Variants in IL2RA observed in about 807,000 individuals in gnomAD.
The protein encoded by IL2RA is interleukin 2 receptor subunit alpha.
In IL2RA, 24 loss-of-function variants were observed where a neutral mutation model predicts 37.8. That is an observed-to-expected ratio of 0.63 (90% CI 0.46 to 0.89). The LOEUF is 0.89. Among genes scored for constraint, IL2RA ranks in the 40% least tolerant of loss-of-function variants. The pLI, the probability that IL2RA is intolerant of heterozygous loss-of-function variation, is 0.00. For synonymous variants in IL2RA, 125 were observed against 114.6 expected (o/e 1.09, Z -0.58); for missense variants, 319 against 348.6 (o/e 0.92, Z 0.68).
chr10:6,051,477 A>G (rs529901419), intron 1 of IL2RA, among the ~76,000 whole-genome samples: 2 of 149,220 alleles, frequency 1.3e-5, no homozygotes, highest in Non-Finnish European at 3.0e-5. Flanking sequence ...TCATTTCATG[A>G]GGAGAAAATA....
At chr10:6,059,994 G>A (rs780625372) in intron 1 of IL2RA, among the ~76,000 whole-genome samples, 3 of 152,242 alleles carry the variant, frequency 2.0e-5, no homozygotes, top group Non-Finnish European at 2.9e-5. Flanking sequence ...TGAGAATGGC[G>A]TGAAGGAGTC....
chr10:6,038,672 G>A (rs984483054), intron 1 of IL2RA, among the ~76,000 whole-genome samples: 4 of 152,136 alleles, frequency 2.6e-5, no homozygotes, highest in Admixed American at 6.5e-5. Flanking sequence ...ACATAAATGC[G>A]CACAAAGAAG....
In IL2RA at chr10:6,021,607, A is replaced by G. The variant is rs996425446; in HGVS notation, c.454T>C (p.Cys152Arg). The G allele has an allele frequency of 1.2e-6, 2 of 1,614,008 alleles. No homozygotes were observed. The highest frequency in any genetic ancestry group is 1.7e-6 in the Non-Finnish European group (2 of 1,180,028). The change falls in exon 4 of 8, where the codon TGC becomes CGC. Residue 152 changes from cysteine to arginine, a missense_variant. Coordinates refer to ENST00000379959, the MANE Select transcript of IL2RA (RefSeq NM_000417.3). This position sits in a 1 kb window ranked among gnomAD's most constrained non-coding sequence, Gnocchi z 4.9. ...FVVGQMVYYQ[C>R]VQGYRALHRG... is the part of the protein sequence containing the mutation. ...TGTAGAGCCCTGTATCCCTGGACGC[A>G]CTGATAATAAACCATCTGCCCCACC... is the stretch of plus-strand genomic sequence containing the variant.
At chr10:6,051,048 C>T (rs547060533) in intron 1 of IL2RA, among the ~76,000 whole-genome samples, 1 of 145,072 alleles carries the variant, frequency 6.9e-6, no homozygotes, top group Admixed American at 7.0e-5. Flanking sequence ...TCTGAAACAC[C>T]CCTCCAACTT....
chr10:6,062,126 C>G lies in IL2RA; in HGVS notation c.26G>C (p.Gly9Ala). MDSYLLMWGLLTFIMVPGC... is the reference protein window; with the variant it reads MDSYLLMWALLTFIMVPGC... ...AGGCACCATGATGAACGTGAGCAGT[C>G]CCCACATCAGCAGGTATGAATCCAT... is the stretch of plus-strand genomic sequence containing the variant. The change falls in exon 1 of 8, where the codon GGA becomes GCA. Residue 9 changes from glycine to alanine, a missense_variant. Physicochemically the swap from Gly to Ala is moderately conservative, Grantham distance 60. Transcript: ENST00000379959. The G allele has an allele frequency of 6.2e-7, 1 of 1,614,026 alleles. No individual in the cohort carries two copies. The highest frequency in any genetic ancestry group is 1.3e-5 in the African/African-American group (1 of 75,062).
Position 6,047,504 on chromosome 10 carries a change from AAC to A in IL2RA, c.64+14582_64+14583del, listed in dbSNP as rs1355258345. 6.6e-6 allele frequency among the ~76,000 whole-genome samples: 1 copy of A among 152,314 alleles called. No homozygotes were observed. The highest frequency in any genetic ancestry group is 2.4e-5 in the African/African-American group (1 of 41,576). ...ACAGCAATCACGTCAGCTGAGACGC[AAC>A]ACACTGCATGCCGAACACACAGGAG... On this transcript the variant is annotated intron_variant, in intron 1 of 7. Coordinates refer to ENST00000379959, the MANE Select transcript of IL2RA (RefSeq NM_000417.3). This position sits in a 1 kb window ranked among gnomAD's most constrained non-coding sequence, Gnocchi z 5.0.
chr10:6,017,893 T>C (rs537801321), intron 7 of IL2RA, among the ~76,000 whole-genome samples, 160 bp downstream of exon 7: 59 of 152,270 alleles, frequency 3.9e-4, no homozygotes, highest in Non-Finnish European at 6.6e-4. Flanking sequence ...TTAATTCTTT[T>C]TAACTGACTC....
At chr10:6,045,118 C>A (rs1201735792) in intron 1 of IL2RA, among the ~76,000 whole-genome samples, 5 of 152,166 alleles carry the variant, frequency 3.3e-5, no homozygotes. Flanking sequence ...AGGAGGAGAT[C>A]TCCGAGCACT....
chr10:6,040,848 C>A (rs143969222), intron 1 of IL2RA, among the ~76,000 whole-genome samples: 116 of 152,224 alleles, frequency 7.6e-4, no homozygotes, highest in African/African-American at 2.7e-3. Context: ...ACTTAGAAAA[C>A]CCAAGACGGT....
rs897874631 is a variant in IL2RA, at chr10:6,057,838, A to G, written c.64+4250T>C. On this transcript the variant is annotated intron_variant, in intron 1 of 7. Transcript: ENST00000379959. The surrounding 1 kb of genome is among the most constrained non-coding windows in gnomAD (Gnocchi z 4.8). The stretch of plus-strand genomic sequence containing the variant: ...AGAATGACTCCAACAAAAAAGTCAC[A>G]AAGAGGACTGGGTGCGGTGGCTCAT... 5.9e-5 allele frequency among the ~76,000 whole-genome samples: 9 copies of G among 152,182 alleles called. No individual in the cohort carries two copies. Among genetic ancestry groups the G allele is most frequent in the Non-Finnish European group, 1.2e-4 (8 of 68,032 alleles).
chr10:6,031,500 A>ATATG (rs1564546028), intron 1 of IL2RA, among the ~76,000 whole-genome samples: 2 of 71,520 alleles, frequency 2.8e-5, no homozygotes, highest in Non-Finnish European at 5.5e-5. Context: ...ATATGTATAT[A>ATATG]TATATATATA....
intron 1 of IL2RA, among the ~76,000 whole-genome samples, chr10:6,030,676 A>G (rs536379893): frequency 6.6e-6 from 1 of 152,332 alleles, no homozygotes; most frequent in South Asian, 2.1e-4. Context: ...AGCTAGAAAC[A>G]TAAATCGACA....
chr10:6,037,992 T>C (rs936460444), intron 1 of IL2RA, among the ~76,000 whole-genome samples: 1 of 152,110 alleles, frequency 6.6e-6, no homozygotes, highest in Non-Finnish European at 1.5e-5. Context: ...AGAAAGTAAG[T>C]GGTTTGGGTG....
Position 6,062,041 on chromosome 10 carries a change from T to C in IL2RA, c.64+47A>G, listed in dbSNP as rs537468520. The C allele has an allele frequency of 5.5e-6, 8 of 1,457,128 alleles. No homozygotes were observed. In the East Asian group the frequency reaches 1.6e-4, roughly 29 times the overall value. The allele number at this position is 1,457,128 out of a possible 1,614,324, so 90.3% of individuals were successfully genotyped here. On this transcript the variant is annotated intron_variant, in intron 1 of 7. Transcript: ENST00000379959. ...CTGGTTCTGTGGCTGGGAAGAGGGA[T>C]GCCCATCAGCCTTCCCGGAATTCCG... is the stretch of plus-strand genomic sequence containing the variant.
Position 6,019,818 on chromosome 10 carries a change from T to C in IL2RA, c.655+52A>G, listed in dbSNP as rs10752175. On this transcript the variant is annotated intron_variant, in intron 5 of 7. Transcript: ENST00000379959. Reference sequence around the variant, plus strand: ...TCCCTGAGCCTGGCTCCTGGTCACCTCTGCCCTTTTGGACTAGGCCTCTGT... The same window carrying C: ...TCCCTGAGCCTGGCTCCTGGTCACCCCTGCCCTTTTGGACTAGGCCTCTGT... The C allele has an allele frequency of 0.9, 1,374,151 of 1,533,098 alleles. 619,163 individuals are homozygous for C. Among genetic ancestry groups the C allele is most frequent in the Non-Finnish European group, 0.92 (1,023,082 of 1,106,244 alleles). 95.0% of individuals were successfully genotyped at this position (1,533,098 alleles called of 1,614,324 possible).
At position 6,020,928 on chromosome 10, in the gene IL2RA, AGTAT is replaced by A. The variant is rs1389852834; in HGVS notation, c.583+546_583+549del. 2.5e-5 allele frequency among the ~76,000 whole-genome samples: 3 copies of A among 117,734 alleles called. No individual in the cohort carries two copies. Among genetic ancestry groups the A allele is most frequent in the Non-Finnish European group, 3.8e-5 (2 of 53,304 alleles). 77.2% of individuals were successfully genotyped at this position (117,734 alleles called of 152,430 possible). On this transcript the variant is annotated intron_variant, in intron 4 of 7. Transcript: ENST00000379959. The surrounding 1 kb of genome is among the most constrained non-coding windows in gnomAD (Gnocchi z 5.6). ...CATCGGTGGGCTGAGCATTTGCATG[AGTAT>A]GTGTGTGTGTGTGTGTGTGTGCGCG...
chr10:6,052,743 T>C (rs1264550097), intron 1 of IL2RA, among the ~76,000 whole-genome samples: 1 of 152,136 alleles, frequency 6.6e-6, no homozygotes, highest in African/African-American at 2.4e-5. Context: ...TCTATTTTGG[T>C]CCCAAACAGA....
At chr10:6,037,807 C>T (rs565159828) in intron 1 of IL2RA, among the ~76,000 whole-genome samples, 3 of 152,232 alleles carry the variant, frequency 2.0e-5, no homozygotes, top group African/African-American at 7.2e-5. Flanking sequence ...ACCTTAAGCT[C>T]GTTGACTCCC....
Position 6,056,047 on chromosome 10 carries a change from C to T in IL2RA, c.64+6041G>A, listed in dbSNP as rs1194189553. Among the ~76,000 whole-genome samples, 1 of 152,172 alleles carries T rather than the reference C, an allele frequency of 6.6e-6. No homozygotes were observed. Among genetic ancestry groups the T allele is most frequent in the Non-Finnish European group, 1.5e-5 (1 of 68,024 alleles). ...ACCACGGAGTCGCCTTGAGATCAGT[C>T]AAAACACTGAGTAATCTTAGAGTGG... is the stretch of plus-strand genomic sequence containing the variant. On this transcript the variant is annotated intron_variant, in intron 1 of 7. Transcript: ENST00000379959. The surrounding 1 kb of genome is among the most constrained non-coding windows in gnomAD (Gnocchi z 5.0).
Sources: allele counts gnomAD v4.1 joint callset (sites outside exome capture counted in the v4.1 genomes callset), GRCh38; gene constraint gnomAD v4.1.1; non-coding constraint Gnocchi (gnomAD v3.1); transcripts MANE v1.5; gene names NCBI Gene and HGNC (gene_info 2026-07-23, HGNC 2026-07-21).